The following ADAMTS3 variants were observed in gnomAD, a reference collection of about 807,000 sequenced individuals.
ADAMTS3 encodes A disintegrin and metalloproteinase with thrombospondin motifs 3.
A neutral mutation model predicts 129.0 loss-of-function variants in ADAMTS3; 73 were observed. The ratio of observed to expected loss-of-function variants is 0.57; its 90% CI spans 0.47 to 0.69. The LOEUF is 0.69. Ranked by LOEUF, ADAMTS3 falls within the 30% of genes least tolerant of loss-of-function variation. The pLI, the probability that ADAMTS3 is intolerant of heterozygous loss-of-function variation, is 0.00. For missense variants in ADAMTS3, 1,457 were observed against 1,514.5 expected, an observed-to-expected ratio of 0.96 and a Z score of 0.63; for synonymous variants, 477 against 510.8, an observed-to-expected ratio of 0.93 and a Z score of 0.89.
intron 4 of ADAMTS3, among the ~76,000 whole-genome samples, chr4:72,358,303 A>T (rs1311200509): frequency 3.3e-5 from 5 of 151,688 alleles, no homozygotes; most frequent in African/African-American, 7.3e-5. Flanking sequence ...TCCTTAAGAG[A>T]AAAAAAACAA....
chr4:72,289,567 T>A (rs114227791), intron 20 of ADAMTS3, among the ~76,000 whole-genome samples: 214 of 152,318 alleles, frequency 1.4e-3, no homozygotes, highest in African/African-American at 4.9e-3. Context: ...TCATCCTATG[T>A]GGGTGACCTG....
intron 2 of ADAMTS3, among the ~76,000 whole-genome samples, chr4:72,556,710 A>G (rs1414770075): frequency 2.0e-5 from 3 of 151,776 alleles, no homozygotes. Context: ...AAATTCTGAA[A>G]ATTAAGGCTC....
intron 2 of ADAMTS3, among the ~76,000 whole-genome samples, chr4:72,552,843 C>G (rs1207202492): frequency 6.6e-6 from 1 of 152,156 alleles, no homozygotes; most frequent in African/African-American, 2.4e-5. Context: ...CCTCTGTCCC[C>G]CTTCTGTGTC....
intron 16 of ADAMTS3, among the ~76,000 whole-genome samples, 154 bp downstream of exon 16, chr4:72,305,809 CATGCACATGTACGCACATATACGT>C (rs1719071478): frequency 6.6e-6 from 1 of 151,504 alleles, no homozygotes; most frequent in African/African-American, 2.4e-5. Flanking sequence ...GCATGCACAT[CATGCACATGTACGCACATATACGT>C]ATGCACATGT....
At chr4:72,542,554 A>AT (rs1220985407) in intron 3 of ADAMTS3, among the ~76,000 whole-genome samples, 5 of 151,566 alleles carry the variant, frequency 3.3e-5, no homozygotes, top group African/African-American at 1.2e-4. Context: ...TTCTACCTGT[A>AT]TACCATTCTG....
intron 2 of ADAMTS3, among the ~76,000 whole-genome samples, chr4:72,551,161 A>T (rs1208679941): frequency 6.6e-6 from 1 of 152,152 alleles, no homozygotes; most frequent in African/African-American, 2.4e-5. Context: ...AGCAGTGCTT[A>T]ATTTCAATGT....
chr4:72,469,072 T>C (rs1206159168), intron 3 of ADAMTS3, among the ~76,000 whole-genome samples: 10 of 151,968 alleles, frequency 6.6e-5, no homozygotes, highest in Admixed American at 5.9e-4. Flanking sequence ...TCATCAATCA[T>C]TATCAACTTA....
At chr4:72,481,843 A>G (rs1232581531) in intron 3 of ADAMTS3, among the ~76,000 whole-genome samples, 3 of 152,136 alleles carry the variant, frequency 2.0e-5, no homozygotes, top group Non-Finnish European at 4.4e-5. Flanking sequence ...TTCAATTAGA[A>G]AATGAAAAAG....
intron 3 of ADAMTS3, among the ~76,000 whole-genome samples, chr4:72,464,095 C>T (rs576683190): frequency 2.6e-5 from 4 of 152,196 alleles, no homozygotes; most frequent in Non-Finnish European, 5.9e-5. Flanking sequence ...CCACCTTTCA[C>T]GGTTATGTTG....
At chr4:72,412,237 T>C (rs1722201610) in intron 4 of ADAMTS3, among the ~76,000 whole-genome samples, 1 of 152,062 alleles carries the variant, frequency 6.6e-6, no homozygotes, top group African/African-American at 2.4e-5. Flanking sequence ...TTTATTCCTC[T>C]TCCTAAATAA....
rs376622090 is a variant in ADAMTS3 at position 72,414,769 on chromosome 4, T to C, written c.661+46A>G. ...CTTGATGGGAGAGTTGTTTTCATCA[T>C]ATCTTAAAATTATATTTCATTATTA... On this transcript the variant is annotated intron_variant, in intron 4 of 21. Coordinates refer to ENST00000286657, the MANE Select transcript of ADAMTS3 (RefSeq NM_014243.3). 5.3e-6 allele frequency: 7 copies of C among 1,312,222 alleles called. No individual in the cohort carries two copies. In the African/African-American group the frequency reaches 6.1e-5, roughly 11 times the overall value. 81.3% of individuals were successfully genotyped at this position (1,312,222 alleles called of 1,614,324 possible).
chr4:72,371,688 T>C (rs1017323681), intron 4 of ADAMTS3, among the ~76,000 whole-genome samples: 1 of 152,094 alleles, frequency 6.6e-6, no homozygotes, highest in African/African-American at 2.4e-5. Flanking sequence ...GTTATAATTA[T>C]AGTTGAAGAT....
chr4:72,424,249 C>T (rs550308198), intron 3 of ADAMTS3, among the ~76,000 whole-genome samples: 2 of 152,118 alleles, frequency 1.3e-5, no homozygotes, highest in African/African-American at 2.4e-5. Flanking sequence ...ACGATAATGC[C>T]ATCTGAACCC....
At chr4:72,377,994 T>C (rs1319946321) in intron 4 of ADAMTS3, among the ~76,000 whole-genome samples, 2 of 152,140 alleles carry the variant, frequency 1.3e-5, no homozygotes, top group Non-Finnish European at 2.9e-5. Context: ...TAATGATTAG[T>C]TAAAGAAAGC....
intron 4 of ADAMTS3, among the ~76,000 whole-genome samples, chr4:72,357,287 T>G (rs1007015478): frequency 6.6e-6 from 1 of 151,968 alleles, no homozygotes; most frequent in African/African-American, 2.4e-5. Flanking sequence ...GATAAATGAA[T>G]GCTTATGTAC....
At chr4:72,437,421 A>G (rs1350283165) in intron 3 of ADAMTS3, among the ~76,000 whole-genome samples, 1 of 151,804 alleles carries the variant, frequency 6.6e-6, no homozygotes, top group Non-Finnish European at 1.5e-5. Context: ...AAGGCTCTGT[A>G]CCAATTTATT....
At chr4:72,558,284 G>A (rs946767984) in intron 2 of ADAMTS3, among the ~76,000 whole-genome samples, 1 of 151,794 alleles carries the variant, frequency 6.6e-6, no homozygotes, top group Non-Finnish European at 1.5e-5. Flanking sequence ...CAGCAGGGCT[G>A]CATTCCTTTT....
chr4:72,428,477 T>C (rs909584796), intron 3 of ADAMTS3, among the ~76,000 whole-genome samples: 6 of 152,086 alleles, frequency 3.9e-5, no homozygotes, highest in African/African-American at 1.4e-4. Context: ...GCTAAAGCCA[T>C]AGTAGGATCA....
At chr4:72,438,542 T>C (rs905363415) in intron 3 of ADAMTS3, among the ~76,000 whole-genome samples, 3 of 151,766 alleles carry the variant, frequency 2.0e-5, no homozygotes, top group Admixed American at 6.6e-5. Context: ...TCTGACTTAA[T>C]AGAAGACAGT....
Sources: allele counts gnomAD v4.1 joint callset (sites outside exome capture counted in the v4.1 genomes callset), GRCh38; gene constraint gnomAD v4.1.1; transcripts MANE v1.5; gene names NCBI Gene and HGNC (gene_info 2026-07-23, HGNC 2026-07-21).